The following ANKS1B variants were observed in gnomAD, a reference collection of about 807,000 sequenced individuals.
ANKS1B encodes ankyrin repeat and sterile alpha motif domain-containing protein 1B.
In ANKS1B, 36 loss-of-function variants were observed where a neutral mutation model predicts 148.3. That is an observed-to-expected ratio of 0.24 (90% CI 0.19 to 0.32). The LOEUF (loss-of-function observed/expected upper bound fraction) is 0.32, where lower values mean the gene tolerates loss of function less well. Among genes scored for constraint, ANKS1B ranks in the 10% least tolerant of loss-of-function variants. The pLI is 1.00. For synonymous variants in ANKS1B, 542 were observed against 560.8 expected (o/e 0.97, Z 0.47); for missense variants, 1,157 against 1,542.6 (o/e 0.75, Z 4.19).
chr12:99,360,781 A>C (rs962159375), intron 12 of ANKS1B, among the ~76,000 whole-genome samples: 7 of 152,152 alleles, frequency 4.6e-5, no homozygotes, highest in Non-Finnish European at 1.0e-4. Flanking sequence ...GGCAAGAAAT[A>C]AATCTTTGTT....
At chr12:99,726,081 A>G (rs1245092789) in intron 8 of ANKS1B, among the ~76,000 whole-genome samples, 3 of 152,190 alleles carry the variant, frequency 2.0e-5, no homozygotes, top group Admixed American at 1.3e-4. Flanking sequence ...TAAAAGAGCT[A>G]GAGAAGCAAG....
At chr12:99,100,467 GA>G (rs1425161769) in intron 15 of ANKS1B, among the ~76,000 whole-genome samples, 2 of 152,178 alleles carry the variant, frequency 1.3e-5, no homozygotes, top group Non-Finnish European at 2.9e-5. Flanking sequence ...CTCTCCTAAA[GA>G]AGCTCAAAGT....
At chr12:99,272,491 G>C (rs1242501715) in intron 12 of ANKS1B, among the ~76,000 whole-genome samples, 2 of 152,154 alleles carry the variant, frequency 1.3e-5, no homozygotes, top group African/African-American at 4.8e-5. Context: ...ATGAAGACTT[G>C]AAGCGTCCAG....
At chr12:99,550,498 C>T (rs1407376365) in intron 9 of ANKS1B, among the ~76,000 whole-genome samples, 1 of 152,022 alleles carries the variant, frequency 6.6e-6, no homozygotes, top group Non-Finnish European at 1.5e-5. Context: ...GTGGCTGGCA[C>T]CTGTAATCCC....
chr12:99,805,262 G>GCAAAAAAAA (rs2067455559), intron 4 of ANKS1B, among the ~76,000 whole-genome samples: 1 of 8,308 alleles, frequency 1.2e-4, no homozygotes, highest in East Asian at 2.7e-3. Context: ...GGAGGAAAAG[G>GCAAAAAAAA]CAAAAAAAAA....
chr12:98,894,862 C>T lies in ANKS1B; in HGVS notation c.2779-62726G>A, dbSNP rs1463679712. 4.1e-6 allele frequency: 4 copies of T among 979,714 alleles called. No homozygotes were observed. The African/African-American group carries it at 5.3e-5, about 13-fold the overall frequency. The allele number at this position is 979,714 out of a possible 1,614,324, so 60.7% of individuals were successfully genotyped here. On this transcript the variant is annotated intron_variant, in intron 17 of 26. Coordinates refer to ENST00000683438, the MANE Select transcript of ANKS1B (RefSeq NM_001352186.2). The stretch of plus-strand genomic sequence containing the variant: ...GCTGCGCCGAGCGCCGGGCTCTCCC[C>T]GCGAGCTCCCCGGGCCCGCGCGCGC...
At chr12:98,747,377 T>G (rs1357601090) in intron 26 of ANKS1B, among the ~76,000 whole-genome samples, 2 of 152,150 alleles carry the variant, frequency 1.3e-5, no homozygotes, top group African/African-American at 2.4e-5. Flanking sequence ...ATCAGGGACA[T>G]GCAAATGACA....
chr12:99,682,668 T>C (rs535811666), intron 8 of ANKS1B, among the ~76,000 whole-genome samples: 1 of 152,064 alleles, frequency 6.6e-6, no homozygotes, highest in Non-Finnish European at 1.5e-5. Flanking sequence ...AGAGCACATA[T>C]AGACAATCTA....
At chr12:99,679,216 C>T (rs1268838471) in intron 8 of ANKS1B, among the ~76,000 whole-genome samples, 1 of 152,192 alleles carries the variant, frequency 6.6e-6, no homozygotes, top group African/African-American at 2.4e-5. Flanking sequence ...CTCTCCTCAT[C>T]TGAAGTTACA....
chr12:99,372,256 C>A (rs1218133206), intron 12 of ANKS1B, among the ~76,000 whole-genome samples: 2 of 151,736 alleles, frequency 1.3e-5, no homozygotes, highest in Non-Finnish European at 2.9e-5. Context: ...AATCTCTGTA[C>A]CTTCCACTCA....
At chr12:98,865,745 A>G (rs896501559) in intron 17 of ANKS1B, among the ~76,000 whole-genome samples, 2 of 151,964 alleles carry the variant, frequency 1.3e-5, no homozygotes, top group African/African-American at 4.8e-5. Context: ...TGAGGGAGGG[A>G]CTCACACAGA....
chr12:99,167,119 C>A (rs2077260414), intron 14 of ANKS1B, among the ~76,000 whole-genome samples: 1 of 151,956 alleles, frequency 6.6e-6, no homozygotes, highest in African/African-American at 2.4e-5. Flanking sequence ...CAAACTGTAT[C>A]ATAGGCCTAC....
At chr12:99,366,214 C>T (rs2092758478) in intron 12 of ANKS1B, among the ~76,000 whole-genome samples, 1 of 152,160 alleles carries the variant, frequency 6.6e-6, no homozygotes. Flanking sequence ...TATTTCTCTC[C>T]CTTTCTTTCT....
chr12:99,009,788 T>G (rs2099938195), intron 17 of ANKS1B, among the ~76,000 whole-genome samples: 2 of 151,504 alleles, frequency 1.3e-5, no homozygotes, highest in South Asian at 2.1e-4. Flanking sequence ...ATTAGCTCCC[T>G]GGTTCTTAAA....
intron 12 of ANKS1B, among the ~76,000 whole-genome samples, chr12:99,318,040 T>A (rs11503241): frequency 0.077 from 11,667 of 152,192 alleles, 1,053 homozygotes; most frequent in African/African-American, 0.22. Context: ...GGATAAGATT[T>A]TTGATGTGCT....
intron 9 of ANKS1B, among the ~76,000 whole-genome samples, chr12:99,580,685 C>T (rs2097562172): frequency 6.6e-6 from 1 of 152,098 alleles, no homozygotes; most frequent in South Asian, 2.1e-4. Flanking sequence ...TTCAATAGCA[C>T]AGTAGGATCA....
At chr12:98,861,190 T>A (rs1487097114) in intron 17 of ANKS1B, among the ~76,000 whole-genome samples, 1 of 152,214 alleles carries the variant, frequency 6.6e-6, no homozygotes, top group Admixed American at 6.5e-5. Flanking sequence ...TTTCATAATT[T>A]TCCAGCCAAG....
At chr12:99,966,607 T>A (rs1446251138) in intron 1 of ANKS1B, among the ~76,000 whole-genome samples, 1 of 152,200 alleles carries the variant, frequency 6.6e-6, no homozygotes, top group Non-Finnish European at 1.5e-5. Flanking sequence ...AGTTAGCTAT[T>A]ATCTCATGTA....
chr12:99,984,386 A>AAGCAT lies in ANKS1B; in HGVS notation c.-150_-149insATGCT. On this transcript the variant is annotated 5_prime_UTR_variant, in exon 1 of 27. In the 5' UTR this introduces an upstream ATG that the reference lacks. Transcript: ENST00000683438. ...CGGAGAGCTCCCTGCAGCCCCAGGC[A>AAGCAT]GGGAGCACGACTCTCTCCTCCTCTT... 1 of 326,494 alleles carries AAGCAT rather than the reference A, an allele frequency of 3.1e-6. No homozygotes were observed. Among genetic ancestry groups the AAGCAT allele is most frequent in the Non-Finnish European group, 6.1e-6 (1 of 165,052 alleles). 20.2% of individuals were successfully genotyped at this position (326,494 alleles called of 1,614,324 possible). A position where few individuals can be genotyped will look rare whatever the true frequency, so the allele number is the denominator to read the frequency against.
Sources: gnomAD v4.1 joint callset for allele counts (sites outside exome capture counted in the v4.1 genomes callset) on GRCh38, gnomAD v4.1.1 for gene constraint, MANE v1.5 for transcripts, NCBI Gene and HGNC (gene_info 2026-07-23, HGNC 2026-07-21) for gene names.